The following UBIAD1 variants were observed in gnomAD, a reference collection of about 807,000 sequenced individuals.
UBIAD1 encodes the protein ubiA prenyltransferase domain-containing protein 1.
UBIAD1 carries 12 observed loss-of-function variants against 20.1 expected under a neutral mutation model. The observed-to-expected ratio is 0.60, with a 90% CI of 0.38 to 0.97. The LOEUF is 0.97. Ranked by LOEUF, UBIAD1 falls within the 50% of genes least tolerant of loss-of-function variation. UBIAD1 has a pLI of 0.00. For missense variants in UBIAD1, 333 were observed against 419.5 expected (o/e 0.79, Z 1.80); for synonymous variants, 207 against 189.2 (o/e 1.09, Z -0.77).
downstream of UBIAD1, among the ~76,000 whole-genome samples, chr1:11,288,937 T>C (rs113847556): frequency 1.2e-4 from 18 of 150,680 alleles, no homozygotes; most frequent in African/African-American, 2.9e-4. Context: ...ACAAAAAACG[T>C]TGAGGGCTGC....
chr1:11,282,752 A>T (rs1192820479), intron 1 of UBIAD1, among the ~76,000 whole-genome samples: 1 of 148,608 alleles, frequency 6.7e-6, no homozygotes, highest in Non-Finnish European at 1.5e-5. Context: ...TTTTTAGTAG[A>T]GATGGGGTTT....
downstream of UBIAD1, among the ~76,000 whole-genome samples, chr1:11,291,451 A>G (rs750658309): frequency 6.6e-6 from 1 of 152,058 alleles, no homozygotes; most frequent in Admixed American, 6.5e-5. Context: ...CTACAAAAAT[A>G]CAAAAATTAG....
chr1:11,298,572 A>G (rs1366961737), downstream of UBIAD1, among the ~76,000 whole-genome samples: 1 of 142,026 alleles, frequency 7.0e-6, no homozygotes, highest in Admixed American at 7.0e-5. The surrounding 1 kb of genome is among the most constrained non-coding windows in gnomAD (Gnocchi z 4.0). Context: ...GTCTCCAAAA[A>G]TAAATAAATA....
downstream of UBIAD1, among the ~76,000 whole-genome samples, chr1:11,299,306 G>A (rs534091135): frequency 2.0e-5 from 3 of 152,188 alleles, no homozygotes; most frequent in African/African-American, 7.2e-5. Flanking sequence ...CTTTTCTCAC[G>A]CTGGCCTCCC....
At chr1:11,288,951 T>G (rs990794506), downstream of UBIAD1, among the ~76,000 whole-genome samples, 4 of 151,948 alleles carry the variant, frequency 2.6e-5, no homozygotes, top group Admixed American at 2.6e-4. Context: ...GGGCTGCATG[T>G]AGCTACAGTG....
chr1:11,292,668 T>C (rs935782744), downstream of UBIAD1, among the ~76,000 whole-genome samples: 20 of 140,740 alleles, frequency 1.4e-4, no homozygotes, highest in South Asian at 3.1e-3. Flanking sequence ...ATTTTATGTA[T>C]ACACACACAC....
At chr1:11,280,102 T>C (rs1652192516) in intron 1 of UBIAD1, among the ~76,000 whole-genome samples, 1 of 152,188 alleles carries the variant, frequency 6.6e-6, no homozygotes, top group Non-Finnish European at 1.5e-5. Flanking sequence ...GCTGTCTTTG[T>C]GAAAGTGACG....
chr1:11,281,878 C>T (rs1182805941), intron 1 of UBIAD1, among the ~76,000 whole-genome samples: 1 of 152,208 alleles, frequency 6.6e-6, no homozygotes, highest in East Asian at 1.9e-4. Context: ...TCTCGTCTGG[C>T]TTCTTTTGCT....
downstream of UBIAD1, among the ~76,000 whole-genome samples, chr1:11,290,587 G>C (rs1638352636): frequency 6.6e-6 from 1 of 152,152 alleles, no homozygotes; most frequent in Non-Finnish European, 1.5e-5. Context: ...ATCCCACTCA[G>C]GGCACCTTTG....
At position 11,287,006 on chromosome 1, in the gene UBIAD1, C is replaced by T. The variant is rs1638281205; in HGVS notation, c.*875C>T. ...CAAAGCCCACAGGGCTTTTCCCTCC[C>T]TATTGCATCTTCTGATGCTCCCCAC... On this transcript the variant is annotated 3_prime_UTR_variant, in exon 2 of 2. Coordinates refer to ENST00000376810, the MANE Select transcript of UBIAD1 (RefSeq NM_013319.3). 1 of 152,316 alleles carries T rather than the reference C, an allele frequency of 6.6e-6. No homozygotes were observed. Among genetic ancestry groups the T allele is most frequent in the African/African-American group, 2.4e-5 (1 of 41,458 alleles). The allele number at this position is 152,316 out of a possible 1,614,324, so 9.4% of individuals were successfully genotyped here. A position where few individuals can be genotyped will look rare whatever the true frequency, so the allele number is the denominator to read the frequency against.
chr1:11,280,261 C>T (rs988918148), intron 1 of UBIAD1, among the ~76,000 whole-genome samples: 1 of 152,094 alleles, frequency 6.6e-6, no homozygotes, highest in Non-Finnish European at 1.5e-5. Flanking sequence ...CTAGGATCTA[C>T]TGAAAGGTCT....
downstream of UBIAD1, among the ~76,000 whole-genome samples, chr1:11,293,059 G>T (rs1174231905): frequency 5.9e-5 from 9 of 152,174 alleles, no homozygotes; most frequent in Non-Finnish European, 1.5e-5. Flanking sequence ...GCTTCCTGGG[G>T]TCAGGGAAAG....
rs778405137 is a variant in UBIAD1, at chr1:11,286,180, T to C, written c.*49T>C. ...ACATGTCTCCCTTTCTTAGAATATA[T>C]TAAAGTCAGAGTCTCTGAGGAAGGA... On this transcript the variant is annotated 3_prime_UTR_variant, in exon 2 of 2. Coordinates refer to ENST00000376810, the MANE Select transcript of UBIAD1 (RefSeq NM_013319.3). The C allele has an allele frequency of 6.2e-7, 1 of 1,612,466 alleles. No homozygotes were observed. The highest frequency in any genetic ancestry group is 1.3e-5 in the African/African-American group (1 of 75,020).
In UBIAD1 at chr1:11,279,613, A is replaced by G. The variant is rs369055045; in HGVS notation, c.529+5553A>G. 1.8e-3 allele frequency among the ~76,000 whole-genome samples: 278 copies of G among 152,182 alleles called. 1 individual carries two copies. The highest frequency in any genetic ancestry group is 6.3e-3 in the African/African-American group (262 of 41,506). ...GTATTTTTAGCAGAGACGGTGTTTC[A>G]CCATGTTGTCCAGACTGGTCTCAAA... On this transcript the variant is annotated intron_variant, in intron 1 of 1. Transcript: ENST00000376810.
At chr1:11,294,491 C>T (rs1460093317) in intron 1 of UBIAD1, among the ~76,000 whole-genome samples, 1 of 152,140 alleles carries the variant, frequency 6.6e-6, no homozygotes, top group Admixed American at 6.6e-5. Context: ...CAGTTCCTTG[C>T]TTGTAAGGGA....
chr1:11,273,615 G>A lies in UBIAD1; in HGVS notation c.84G>A (p.Gly28=), dbSNP rs1651869439. 1 of 1,614,002 alleles carries A rather than the reference G, an allele frequency of 6.2e-7. No individual in the cohort carries two copies. Residue 28 remains glycine, a synonymous_variant, in exon 1 of 2, where the codon GGG becomes GGA. Coordinates refer to ENST00000376810, the MANE Select transcript of UBIAD1 (RefSeq NM_013319.3). This position sits in a 1 kb window ranked among gnomAD's most constrained non-coding sequence, Gnocchi z 4.9. ...AAGCTGGGGACAGGGACCCGCTGGG[G>A]AACGACTGTCCCGAGCAAGATAGGC... ...TVKAGDRDPL[G]NDCPEQDRLP...
At chr1:11,295,090 G>A (rs1395955189) in exon 2 of UBIAD1, 16 of 621,232 alleles carry the variant, frequency 2.6e-5, no homozygotes, top group Admixed American at 2.3e-4. Flanking sequence ...TCAACTCTTC[G>A]GGTTCAGTGT....
downstream of UBIAD1, among the ~76,000 whole-genome samples, chr1:11,298,714 G>T (rs1385578562): frequency 6.6e-6 from 1 of 152,200 alleles, no homozygotes. This position sits in a 1 kb window ranked among gnomAD's most constrained non-coding sequence, Gnocchi z 4.0. Context: ...TATTCAGTAG[G>T]TGCTGAACGT....
chr1:11,291,893 A>T (rs1029941217), downstream of UBIAD1, among the ~76,000 whole-genome samples: 46 of 152,032 alleles, frequency 3.0e-4, no homozygotes, highest in Middle Eastern at 3.4e-3. Flanking sequence ...TTTTTTTTTT[A>T]AAACTTTTTT....
Sources: gnomAD v4.1 joint callset for allele counts (sites outside exome capture counted in the v4.1 genomes callset) on GRCh38, gnomAD v4.1.1 for gene constraint, Gnocchi (gnomAD v3.1) non-coding constraint, MANE v1.5 for transcripts, NCBI Gene and HGNC (gene_info 2026-07-23, HGNC 2026-07-21) for gene names.